Variants in KAT6A observed in about 807,000 individuals in gnomAD.
KAT6A encodes histone acetyltransferase KAT6A.
KAT6A carries 9 observed loss-of-function variants against 198.4 expected under a neutral mutation model. The ratio of observed to expected loss-of-function variants is 0.05; its 90% CI spans 0.03 to 0.08. KAT6A has a LOEUF of 0.08. KAT6A is among the 10% of genes least tolerant of loss of function. The pLI is 1.00. For synonymous variants in KAT6A, 890 were observed against 883.0 expected (o/e 1.01, Z -0.14); for missense variants, 2,077 against 2,509.9 (o/e 0.83, Z 3.69).
chr8:42,034,771 T>C lies in KAT6A; in HGVS notation c.600+13607A>G, dbSNP rs114469394. On this transcript the variant is annotated intron_variant, in intron 2 of 16. Transcript: ENST00000265713. The stretch of plus-strand genomic sequence containing the variant: ...CAGAGGGCAGTACAGATATAGAACA[T>C]TTCCATCATTGCACAAAGTTCTGTC... Among the ~76,000 whole-genome samples the C allele has an allele frequency of 6.4e-3, 968 of 152,302 alleles. 12 individuals carry two copies. The highest frequency in any genetic ancestry group is 0.021 in the African/African-American group (886 of 41,574).
intron 2 of KAT6A, among the ~76,000 whole-genome samples, chr8:42,012,499 T>A (rs575057289): frequency 1.3e-5 from 2 of 152,174 alleles, no homozygotes; most frequent in Non-Finnish European, 2.9e-5. Context: ...GAAGACATGA[T>A]GTGAAGAGGC....
At chr8:41,935,725 A>G (rs1353780890) in intron 16 of KAT6A, among the ~76,000 whole-genome samples, 1 of 152,232 alleles carries the variant, frequency 6.6e-6, no homozygotes, top group Admixed American at 6.5e-5. Context: ...AAAAAGGCAC[A>G]GTTAGTAGTA....
At chr8:41,966,837 T>A (rs1202311360) in intron 8 of KAT6A, among the ~76,000 whole-genome samples, 1 of 152,116 alleles carries the variant, frequency 6.6e-6, no homozygotes, top group Non-Finnish European at 1.5e-5. Flanking sequence ...TAATGCAGGA[T>A]GTTATTGTGA....
Position 42,049,494 on chromosome 8 carries a change from GA to G in KAT6A, c.-325-193del, listed in dbSNP as rs530776942. ...GGATAAAAAAGAAAAAAAAAGAAAA[GA>G]AAAAAAAAAGATGAGTAATTAGGAT... On this transcript the variant is annotated intron_variant, in intron 1 of 16. Coordinates refer to ENST00000265713, the MANE Select transcript of KAT6A (RefSeq NM_006766.5). 170 of 158,890 alleles carry G rather than the reference GA, an allele frequency of 1.1e-3. 1 individual carries two copies. The highest frequency in any genetic ancestry group is 2.7e-3 in the Middle Eastern group (1 of 370). 9.8% of individuals were successfully genotyped at this position (158,890 alleles called of 1,614,324 possible).
intron 2 of KAT6A, among the ~76,000 whole-genome samples, chr8:41,994,960 G>A (rs1464868354): frequency 1.3e-5 from 2 of 152,066 alleles, no homozygotes; most frequent in South Asian, 2.1e-4. Flanking sequence ...AAAGGCTGAC[G>A]CAGGAGAATC....
At chr8:41,984,843 C>T (rs1382696771) in intron 3 of KAT6A, among the ~76,000 whole-genome samples, 1 of 151,864 alleles carries the variant, frequency 6.6e-6, no homozygotes, top group African/African-American at 2.4e-5. Flanking sequence ...ATTAGCCGGG[C>T]GTGGTGGCAG....
chr8:41,936,729 T>TAG, intron 16 of KAT6A, among the ~76,000 whole-genome samples: 1 of 152,180 alleles, frequency 6.6e-6, no homozygotes, highest in East Asian at 1.9e-4. Flanking sequence ...TAAGACACAT[T>TAG]AGAGATACAA....
chr8:41,932,433 C>A lies in KAT6A; in HGVS notation c.5787G>T (p.Gln1929His). ...LNAMNSYRMT[Q>H]PMMNSSYHSN... ...TATGGTAACTGCTGTTCATCATGGGCTGTGTCATTCGATAGCTGTTCATGG... is the reference window on the plus strand; with the variant it reads ...TATGGTAACTGCTGTTCATCATGGGATGTGTCATTCGATAGCTGTTCATGG... The change falls in exon 17 of 17, where the codon CAG becomes CAT. Residue 1929 changes from glutamine (Q) to histidine (H), a missense_variant. Physicochemically the swap from Gln to His is conservative, Grantham distance 24. Coordinates refer to ENST00000265713, the MANE Select transcript of KAT6A (RefSeq NM_006766.5). The A allele has an allele frequency of 6.2e-7, 1 of 1,614,220 alleles. No individual in the cohort carries two copies. Among genetic ancestry groups the A allele is most frequent in the Non-Finnish European group, 8.5e-7 (1 of 1,180,034 alleles).
At chr8:42,022,607 G>T (rs1826602914) in intron 2 of KAT6A, among the ~76,000 whole-genome samples, 1 of 152,164 alleles carries the variant, frequency 6.6e-6, no homozygotes. Flanking sequence ...AGGGTATAGG[G>T]AAGCAGTTAC....
At chr8:42,002,381 CA>C (rs764025506) in intron 2 of KAT6A, among the ~76,000 whole-genome samples, 28 of 152,062 alleles carry the variant, frequency 1.8e-4, no homozygotes, top group Non-Finnish European at 3.5e-4. Flanking sequence ...GCAAACACGG[CA>C]AAACCCCATC....
intron 7 of KAT6A, among the ~76,000 whole-genome samples, chr8:41,975,904 G>T (rs192479640): frequency 1.3e-4 from 20 of 152,276 alleles, no homozygotes; most frequent in African/African-American, 4.8e-4. Flanking sequence ...ATTAGGATTT[G>T]CTCTGAGATT....
At chr8:42,046,751 A>T (rs1240585640) in intron 2 of KAT6A, among the ~76,000 whole-genome samples, 2 of 152,040 alleles carry the variant, frequency 1.3e-5, no homozygotes, top group Admixed American at 6.5e-5. Flanking sequence ...ACTTAAATAT[A>T]GAATAAAGCA....
At chr8:41,973,302 T>G (rs1038307587) in intron 8 of KAT6A, among the ~76,000 whole-genome samples, 1 of 151,830 alleles carries the variant, frequency 6.6e-6, no homozygotes, top group African/African-American at 2.4e-5. Flanking sequence ...CTCGGCTCAC[T>G]GCAACCTCCA....
In KAT6A at chr8:41,977,262, A is replaced by T; in HGVS notation, c.1109T>A (p.Leu370His). 6.2e-7 allele frequency: 1 copy of T among 1,614,210 alleles called. No individual in the cohort carries two copies. The highest frequency in any genetic ancestry group is 8.5e-7 in the Non-Finnish European group (1 of 1,180,016). ...TGATGATGATGCTGATTGGCTGGAAAGAGTGATTTTTCGTTTCCTACCCCT... is the reference window on the plus strand; with the variant it reads ...TGATGATGATGCTGATTGGCTGGAATGAGTGATTTTTCGTTTCCTACCCCT... ...PGRGRKRKIT[L>H]SSQSASSSSE... is the part of the protein sequence containing the mutation. Residue 370 changes from leucine to histidine, a missense_variant, in exon 7 of 17, where the codon CTT (leucine) becomes CAT (histidine). By Grantham distance (99) the Leu-to-His change is moderately conservative. Coordinates refer to ENST00000265713, the MANE Select transcript of KAT6A (RefSeq NM_006766.5).
intron 8 of KAT6A, among the ~76,000 whole-genome samples, chr8:41,962,788 T>C (rs1312735815): frequency 6.6e-6 from 1 of 152,184 alleles, no homozygotes; most frequent in Non-Finnish European, 1.5e-5. Context: ...TCTGCTATTT[T>C]GAGCCTTATG....
At position 41,934,074 on chromosome 8, in the gene KAT6A, C is replaced by A; in HGVS notation, c.4146G>T (p.Thr1382=). ...DSEEEQPSHD[T]SVVSEQMAGS... ...CAGCCATCTGCTCTGACACCACGGA[C>A]GTGTCATGGGAAGGCTGCTCCTCTT... is the stretch of plus-strand genomic sequence containing the variant. Residue 1382 remains threonine (T), a synonymous_variant, in exon 17 of 17, where the codon ACG becomes ACT. Coordinates refer to ENST00000265713, the MANE Select transcript of KAT6A (RefSeq NM_006766.5). 1 of 1,614,102 alleles carries A rather than the reference C, an allele frequency of 6.2e-7. No homozygotes were observed. The highest frequency in any genetic ancestry group is 8.5e-7 in the Non-Finnish European group (1 of 1,180,020).
chr8:41,956,945 T>C (rs145082081), intron 8 of KAT6A: 238 of 442,212 alleles, frequency 5.4e-4, no homozygotes, highest in African/African-American at 4.6e-3. Flanking sequence ...CTCAAAGTAA[T>C]AACAACAGTA....
At chr8:42,013,963 C>T (rs968785241) in intron 2 of KAT6A, among the ~76,000 whole-genome samples, 2 of 152,128 alleles carry the variant, frequency 1.3e-5, no homozygotes, top group Non-Finnish European at 2.9e-5. Context: ...TCAAGTCTGC[C>T]GCGGTACCGT....
At chr8:42,028,561 T>C (rs1587843479) in intron 2 of KAT6A, among the ~76,000 whole-genome samples, 1 of 152,230 alleles carries the variant, frequency 6.6e-6, no homozygotes, top group Non-Finnish European at 1.5e-5. Flanking sequence ...TCCTAATCAC[T>C]TTTGGTTTCC....
Sources: allele counts gnomAD v4.1 joint callset (sites outside exome capture counted in the v4.1 genomes callset), GRCh38; gene constraint gnomAD v4.1.1; transcripts MANE v1.5; gene names NCBI Gene and HGNC (gene_info 2026-07-23, HGNC 2026-07-21).